The following RBM6 variants were observed in gnomAD, a reference collection of about 807,000 sequenced individuals.
RBM6 encodes the protein RNA binding motif protein 6, also known as RNA-binding protein 6.
RBM6 carries 23 observed loss-of-function variants against 140.4 expected under a neutral mutation model. The ratio of observed to expected loss-of-function variants is 0.16; its 90% CI spans 0.12 to 0.23. RBM6 has a LOEUF of 0.23. Among genes scored for constraint, RBM6 ranks in the 10% least tolerant of loss-of-function variants. The pLI is 1.00. For missense variants in RBM6, 1,139 were observed against 1,386.7 expected, an observed-to-expected ratio of 0.82 and a Z score of 2.84; for synonymous variants, 439 against 475.6, an observed-to-expected ratio of 0.92 and a Z score of 1.00.
intron 6 of RBM6, among the ~76,000 whole-genome samples, chr3:50,036,948 AT>A (rs897532541): frequency 2.7e-5 from 4 of 150,214 alleles, no homozygotes; most frequent in Non-Finnish European, 5.9e-5. Flanking sequence ...TGCCCAGCTA[AT>A]TTTTTTTTTA....
Position 49,968,700 on chromosome 3 carries a change from G to C in RBM6, c.1275G>C (p.Lys425Asn). The C allele has an allele frequency of 6.5e-7, 1 of 1,541,286 alleles. No homozygotes were observed. The highest frequency in any genetic ancestry group is 2.8e-5 in the East Asian group (1 of 36,004). Residue 425 changes from lysine (K) to asparagine (N), a missense_variant, in exon 3 of 21, where the codon AAG (lysine) becomes AAC (asparagine). By Grantham distance (94) the Lys-to-Asn change is moderately conservative. Around this residue, in one of 9 missense-constraint regions of RBM6, gnomAD observed 566 missense variants for 612.7 expected, o/e 0.92. Coordinates refer to ENST00000266022, the MANE Select transcript of RBM6 (RefSeq NM_005777.3). The part of the protein sequence containing the change: ...GSQMFGYGQS[K>N]SFPEGKTARD... ...AGATGTTTGGCTATGGCCAGAGCAA[G>C]TCTTTTCCAGAGGGCAAAACTGCCC... is the stretch of plus-strand genomic sequence containing the variant.
intron 5 of RBM6, among the ~76,000 whole-genome samples, chr3:49,980,438 A>G (rs2085256241): frequency 6.6e-6 from 1 of 152,170 alleles, no homozygotes; most frequent in African/African-American, 2.4e-5. Flanking sequence ...GAGTATTGAT[A>G]AAGTAGATGG....
chr3:49,996,223 C>T (rs961797545), intron 5 of RBM6, among the ~76,000 whole-genome samples: 2 of 152,144 alleles, frequency 1.3e-5, no homozygotes. Context: ...TGCAAGCCAA[C>T]CTCTTCATCT....
Position 49,968,280 on chromosome 3 carries a change from G to T in RBM6, c.855G>T (p.Met285Ile). Residue 285 changes from methionine to isoleucine, a missense_variant, in exon 3 of 21, where the codon ATG (methionine) becomes ATT (isoleucine). Physicochemically the swap from Met to Ile is conservative, Grantham distance 10. Transcript: ENST00000266022. ...GSCMEFKDREMPPVDPNILDY... is the reference protein window; with the variant it reads ...GSCMEFKDREIPPVDPNILDY... Reference sequence around the variant, plus strand: ...GTATGGAATTTAAAGATAGGGAGATGCCCCCTGTGGATCCAAATATTTTGG... The same window carrying T: ...GTATGGAATTTAAAGATAGGGAGATTCCCCCTGTGGATCCAAATATTTTGG... 6.2e-7 allele frequency: 1 copy of T among 1,614,102 alleles called. No homozygotes were observed. The highest frequency in any genetic ancestry group is 8.5e-7 in the Non-Finnish European group (1 of 1,180,006).
intron 5 of RBM6, among the ~76,000 whole-genome samples, chr3:49,997,154 C>A (rs897413098): frequency 3.3e-5 from 5 of 151,902 alleles, no homozygotes; most frequent in Admixed American, 3.3e-4. Flanking sequence ...GTCTTGAACA[C>A]ACAGAATACC....
chr3:49,963,247 T>G (rs1406686846), intron 2 of RBM6, among the ~76,000 whole-genome samples: 1 of 152,130 alleles, frequency 6.6e-6, no homozygotes, highest in African/African-American at 2.4e-5. Context: ...TATTTGTTTG[T>G]TTTTTGAGAC....
chr3:49,999,646 C>A, intron 6 of RBM6, 133 bp downstream of exon 6: 1 of 756,112 alleles, frequency 1.3e-6, no homozygotes, highest in South Asian at 1.7e-5. Context: ...TTCCAACCAT[C>A]GGTTGTGAGG....
chr3:50,058,071 T>C, intron 9 of RBM6, 68 bp downstream of exon 9: 1 of 1,538,542 alleles, frequency 6.5e-7, no homozygotes, highest in Non-Finnish European at 8.8e-7. Context: ...GCCAATGTTA[T>C]GTCCGGGAGC....
chr3:49,959,490 C>T (rs1322378151), intron 1 of RBM6, among the ~76,000 whole-genome samples: 1 of 151,346 alleles, frequency 6.6e-6, no homozygotes, highest in East Asian at 1.9e-4. Flanking sequence ...TGAGCCGCCT[C>T]GCCCGGCCAA....
intron 15 of RBM6, among the ~76,000 whole-genome samples, chr3:50,063,090 G>T (rs2090001922): frequency 6.6e-6 from 1 of 151,792 alleles, no homozygotes; most frequent in African/African-American, 2.4e-5. Context: ...ACAGGATCTT[G>T]CTAGATTGAC....
intron 6 of RBM6, among the ~76,000 whole-genome samples, chr3:50,020,664 C>A (rs1331796892): frequency 6.6e-6 from 1 of 152,128 alleles, no homozygotes; most frequent in Non-Finnish European, 1.5e-5. Flanking sequence ...TGTGCAAATA[C>A]CATGGAGTGT....
chr3:50,023,638 A>T (rs920897704), intron 6 of RBM6, among the ~76,000 whole-genome samples: 1 of 150,506 alleles, frequency 6.6e-6, no homozygotes, highest in African/African-American at 2.4e-5. Context: ...ATACGCTCAC[A>T]AATAAAATGT....
chr3:49,995,691 G>T (rs1180158939), intron 5 of RBM6, among the ~76,000 whole-genome samples: 1 of 152,120 alleles, frequency 6.6e-6, no homozygotes, highest in Non-Finnish European at 1.5e-5. Context: ...TGTGACAGTG[G>T]AAGAAAGGGG....
intron 6 of RBM6, among the ~76,000 whole-genome samples, chr3:50,009,175 C>T (rs1412908057): frequency 1.3e-5 from 2 of 152,130 alleles, no homozygotes; most frequent in Admixed American, 6.5e-5. Flanking sequence ...CAGGACCTCT[C>T]GGGATTTCTA....
chr3:50,053,653 T>C (rs931942302), intron 7 of RBM6, among the ~76,000 whole-genome samples: 9 of 152,332 alleles, frequency 5.9e-5, no homozygotes, highest in Non-Finnish European at 1.3e-4. Context: ...TCTTTATAGT[T>C]CTTACTCTTT....
At position 49,968,444 on chromosome 3, in the gene RBM6, G is replaced by A. The variant is rs1403887046; in HGVS notation, c.1019G>A (p.Arg340Lys). The change falls in exon 3 of 21, where the codon AGA becomes AAA. Residue 340 changes from arginine to lysine, a missense_variant. This residue lies in a region of RBM6 where 566 missense variants were observed against 612.7 expected (regional missense o/e 0.92). Transcript: ENST00000266022. ...QKGEFEHSET[R>K]EGETQGVAFE... The stretch of plus-strand genomic sequence containing the variant: ...GGAGAATTTGAGCATTCAGAAACAA[G>A]AGAAGGAGAAACACAAGGTGTAGCC... The A allele has an allele frequency of 6.2e-7, 1 of 1,614,184 alleles. No homozygotes were observed. Among genetic ancestry groups the A allele is most frequent in the South Asian group, 1.1e-5 (1 of 91,066 alleles).
intron 6 of RBM6, among the ~76,000 whole-genome samples, chr3:50,038,588 T>C (rs955789615): frequency 6.6e-6 from 1 of 152,064 alleles, no homozygotes; most frequent in African/African-American, 2.4e-5. Flanking sequence ...TCCCAGCACT[T>C]TGGGAGGCCG....
intron 19 of RBM6, 96 bp downstream of exon 19, chr3:50,070,648 T>C: frequency 1.1e-6 from 1 of 870,356 alleles, no homozygotes; most frequent in South Asian, 1.4e-5. Flanking sequence ...CTCAGGGAGA[T>C]GATATTATGA....
At chr3:50,033,134 T>C (rs2088281479) in intron 6 of RBM6, among the ~76,000 whole-genome samples, 1 of 151,548 alleles carries the variant, frequency 6.6e-6, no homozygotes, top group Admixed American at 6.6e-5. Context: ...CAGTCTCTAC[T>C]AAAAATACAA....
Sources: allele counts gnomAD v4.1 joint callset (sites outside exome capture counted in the v4.1 genomes callset), GRCh38; gene constraint gnomAD v4.1.1; regional missense constraint gnomAD v4.1.1; transcripts MANE v1.5; gene names NCBI Gene and HGNC (gene_info 2026-07-23, HGNC 2026-07-21).